Variants in GABRA3 observed in about 807,000 individuals in gnomAD.
GABRA3 encodes gamma-aminobutyric acid type A receptor subunit alpha3, also known as gamma-aminobutyric acid receptor subunit alpha-3.
Under a neutral mutation model 30.1 loss-of-function variants are expected in GABRA3, and 10 were observed. The ratio of observed to expected loss-of-function variants is 0.33; its 90% confidence interval spans 0.20 to 0.56. The LOEUF is 0.56. Ranked by LOEUF, GABRA3 falls within the 20% of genes least tolerant of loss-of-function variation. The pLI is 0.89. For missense variants in GABRA3, 233 were observed against 392.0 expected, an observed-to-expected ratio of 0.59 and a Z score of 3.42; for synonymous variants, 151 against 146.8, an observed-to-expected ratio of 1.03 and a Z score of -0.21.
At chrX:152,231,297 A>G (rs1290076044) in intron 5 of GABRA3, among the ~76,000 whole-genome samples, 4 of 109,178 alleles carry the variant, frequency 3.7e-5, no homozygotes, top group Admixed American at 2.9e-4. Flanking sequence ...ATACGTGTAT[A>G]TATACGTGTG....
At chrX:152,380,894 T>A (rs1929124929) in intron 1 of GABRA3, among the ~76,000 whole-genome samples, 1 of 111,299 alleles carries the variant, frequency 9.0e-6, no homozygotes. Flanking sequence ...GGAGGTGGGG[T>A]CTAGTGAAAG....
intron 2 of GABRA3, among the ~76,000 whole-genome samples, chrX:152,355,194 A>T (rs1320257338): frequency 9.0e-6 from 1 of 111,247 alleles, no homozygotes; most frequent in Non-Finnish European, 1.9e-5. Context: ...TGATGCAGAA[A>T]ATGTGTTAAT....
chrX:152,365,203 G>C (rs1270182301), intron 1 of GABRA3, among the ~76,000 whole-genome samples: 2 of 111,564 alleles, frequency 1.8e-5, no homozygotes, highest in Non-Finnish European at 3.8e-5. Context: ...GCCTGAAGTG[G>C]ATAGACTGTT....
intron 9 of GABRA3, among the ~76,000 whole-genome samples, chrX:152,184,275 G>T (rs1937224757): frequency 9.0e-6 from 1 of 110,994 alleles, no homozygotes; most frequent in South Asian, 3.7e-4. Flanking sequence ...TTTAATCTTT[G>T]CTCTTCTCTT....
chrX:152,357,165 C>T (rs893239470), intron 2 of GABRA3, among the ~76,000 whole-genome samples: 5 of 111,553 alleles, frequency 4.5e-5, no homozygotes, highest in East Asian at 5.6e-4. Context: ...GAGAAATCAC[C>T]GAACTACTTT....
chrX:152,390,309 C>T (rs1929442916), intron 1 of GABRA3, among the ~76,000 whole-genome samples: 1 of 111,374 alleles, frequency 9.0e-6, no homozygotes, highest in African/African-American at 3.3e-5. Context: ...TGACAGGAAA[C>T]CATAAAAAGG....
At position 152,373,716 on chromosome X, in the gene GABRA3, T is replaced by C. The variant is rs1436953345; in HGVS notation, c.-26-9120A>G. On this transcript the variant is annotated intron_variant, in intron 1 of 9. Transcript: ENST00000370314. ...ATATGTATACATGTGTCGTGTTGGT[T>C]TGCTGCACCCGTTAACTCGTTATTT... Among the ~76,000 whole-genome samples the C allele has an allele frequency of 2.7e-5, 3 of 111,004 alleles. No homozygotes were observed. The East Asian group carries it at 8.5e-4, about 32-fold the overall frequency.
chrX:152,194,204 T>G (rs1937357955), intron 8 of GABRA3, among the ~76,000 whole-genome samples: 1 of 111,494 alleles, frequency 9.0e-6, no homozygotes, highest in Non-Finnish European at 1.9e-5. Context: ...GCCATTCTAG[T>G]ATTTAAAGTG....
intron 3 of GABRA3, among the ~76,000 whole-genome samples, chrX:152,301,525 TG>T (rs898687595): frequency 7.2e-5 from 8 of 111,578 alleles, no homozygotes; most frequent in African/African-American, 1.6e-4. Flanking sequence ...CCTTGTCCTA[TG>T]TTTTTTTGTT....
chrX:152,238,795 T>C (rs1938288926), intron 5 of GABRA3, among the ~76,000 whole-genome samples: 1 of 108,379 alleles, frequency 9.2e-6, no homozygotes, highest in Admixed American at 9.8e-5. Flanking sequence ...GTGTTTGTAG[T>C]ATTCTCTGAT....
intron 1 of GABRA3, among the ~76,000 whole-genome samples, chrX:152,409,388 C>T (rs1162020152): frequency 9.0e-6 from 1 of 110,947 alleles, no homozygotes; most frequent in East Asian, 2.8e-4. Context: ...GGGTTAAAAA[C>T]TTAAATCTAA....
intron 5 of GABRA3, among the ~76,000 whole-genome samples, chrX:152,235,528 T>G (rs1180759553): frequency 9.3e-6 from 1 of 106,955 alleles, no homozygotes; most frequent in African/African-American, 3.5e-5. Context: ...ATAAATGGAC[T>G]CAGTAAAGTT....
intron 3 of GABRA3, among the ~76,000 whole-genome samples, chrX:152,323,877 C>T (rs73623081): frequency 0.03 from 3,327 of 111,641 alleles, 79 homozygotes; most frequent in African/African-American, 0.077. Flanking sequence ...ACCAAGGATA[C>T]GTTTGTTTCC....
intron 9 of GABRA3, among the ~76,000 whole-genome samples, chrX:152,179,595 C>T (rs1020798334): frequency 8.1e-4 from 87 of 107,520 alleles, no homozygotes; most frequent in African/African-American, 2.7e-3. Context: ...CCCGGGTTCA[C>T]GCCATTCTCC....
chrX:152,243,889 C>T (rs765967238), intron 5 of GABRA3, among the ~76,000 whole-genome samples: 6 of 112,166 alleles, frequency 5.3e-5, no homozygotes, highest in African/African-American at 1.9e-4. Flanking sequence ...GACTAAAAGT[C>T]ACAGGGTAAA....
chrX:152,389,560 T>C (rs1273157683), intron 1 of GABRA3: 1 of 111,220 alleles, frequency 9.0e-6, no homozygotes, highest in Admixed American at 9.6e-5. Flanking sequence ...TAAGAGGAGA[T>C]AGCAATGATT....
chrX:152,339,870 TA>T (rs1940289570), intron 3 of GABRA3, among the ~76,000 whole-genome samples: 2 of 112,253 alleles, frequency 1.8e-5, no homozygotes, highest in South Asian at 7.4e-4. Context: ...TTTGTGTTAG[TA>T]TGATGCATCT....
chrX:152,209,389 G>GCCC (rs1569356491), intron 6 of GABRA3, among the ~76,000 whole-genome samples: 2 of 111,205 alleles, frequency 1.8e-5, no homozygotes, highest in Admixed American at 1.9e-4. Flanking sequence ...GTGAGTACTT[G>GCCC]CCCTAACTCA....
At chrX:152,238,066 G>C (rs1353737534) in intron 5 of GABRA3, among the ~76,000 whole-genome samples, 48 of 107,597 alleles carry the variant, frequency 4.5e-4, no homozygotes, top group Non-Finnish European at 5.9e-4. Flanking sequence ...TCCCTGTCTT[G>C]TGCCAGTTTT....
Sources: allele counts gnomAD v4.1 joint callset (sites outside exome capture counted in the v4.1 genomes callset), GRCh38; gene constraint gnomAD v4.1.1; transcripts MANE v1.5; gene names NCBI Gene and HGNC (gene_info 2026-07-23, HGNC 2026-07-21).